ADAM7: variants seen among roughly 807,000 people sequenced by gnomAD.
ADAM7 encodes ADAM metallopeptidase domain 7.
Under a neutral mutation model 102.9 loss-of-function variants are expected in ADAM7, and 97 were observed. The ratio of observed to expected loss-of-function variants is 0.94; its 90% confidence interval spans 0.80 to 1.12. The LOEUF is 1.12. Ranked by LOEUF, ADAM7 falls within the 50% of genes most tolerant of loss-of-function variation. The pLI is 0.00. For synonymous variants in ADAM7, 334 were observed against 304.4 expected, an observed-to-expected ratio of 1.10 and a Z score of -1.01; for missense variants, 991 against 908.7, an observed-to-expected ratio of 1.09 and a Z score of -1.16.
chr8:24,445,691 C>T (rs1818531351), intron 2 of ADAM7, among the ~76,000 whole-genome samples: 1 of 152,220 alleles, frequency 6.6e-6, no homozygotes. Flanking sequence ...CTTGCTATGG[C>T]ATGTTTCTGC....
At chr8:24,501,675 G>A in intron 20 of ADAM7, 99 bp downstream of exon 20, 1 of 834,048 alleles carries the variant, frequency 1.2e-6, no homozygotes. Context: ...AAGTGACATG[G>A]GAAGTGCAGA....
chr8:24,490,765 C>T, intron 12 of ADAM7, 34 bp from the exon 13 acceptor site: 1 of 1,600,260 alleles, frequency 6.2e-7, no homozygotes, highest in Non-Finnish European at 8.5e-7. Flanking sequence ...GAGTACATAC[C>T]AATTTCTCAT....
At chr8:24,448,403 A>G (rs1563372143) in intron 3 of ADAM7, among the ~76,000 whole-genome samples, 1 of 152,146 alleles carries the variant, frequency 6.6e-6, no homozygotes. Context: ...ATGTTAGTGA[A>G]TTGTACACAC....
intron 12 of ADAM7, 140 bp from the exon 13 acceptor site, chr8:24,490,659 C>G: frequency 1.3e-6 from 1 of 775,442 alleles, no homozygotes; most frequent in Non-Finnish European, 2.1e-6. Flanking sequence ...AAACAGTAAT[C>G]TTTATGTATG....
chr8:24,487,409 G>A lies in ADAM7; in HGVS notation c.1091+92G>A, dbSNP rs139116804. On this transcript the variant is annotated intron_variant, in intron 11 of 21. Coordinates refer to ENST00000175238, the MANE Select transcript of ADAM7 (RefSeq NM_003817.4). ...TGCCTGTAATCCCAGCACTTTGGGAGGCCGAGGCAGGTGGATCACCTGAGG... is the reference window on the plus strand; with the variant it reads ...TGCCTGTAATCCCAGCACTTTGGGAAGCCGAGGCAGGTGGATCACCTGAGG... 164 of 1,434,666 alleles carry A rather than the reference G, an allele frequency of 1.1e-4. No homozygotes were observed. The African/African-American group carries it at 1.7e-3, about 15-fold the overall frequency. 88.9% of individuals were successfully genotyped at this position (1,434,666 alleles called of 1,614,324 possible). A position where few individuals can be genotyped will look rare whatever the true frequency, so the allele number is the denominator to read the frequency against.
chr8:24,456,410 A>T (rs535811203), intron 3 of ADAM7, among the ~76,000 whole-genome samples: 1 of 152,234 alleles, frequency 6.6e-6, no homozygotes, highest in East Asian at 1.9e-4. Context: ...TAATTTGGCT[A>T]TTGTGAATAG....
At chr8:24,448,465 T>C (rs1034869981) in intron 3 of ADAM7, among the ~76,000 whole-genome samples, 3 of 152,170 alleles carry the variant, frequency 2.0e-5, no homozygotes, top group African/African-American at 7.2e-5. Context: ...CACTGCCTCA[T>C]TCCCTCAGTT....
At chr8:24,508,321 C>T (rs1821019627) in intron 21 of ADAM7, among the ~76,000 whole-genome samples, 1 of 151,992 alleles carries the variant, frequency 6.6e-6, no homozygotes, top group Non-Finnish European at 1.5e-5. Flanking sequence ...GTTTGGCATC[C>T]CATAATGGAA....
intron 3 of ADAM7, among the ~76,000 whole-genome samples, chr8:24,455,725 ATT>A (rs944317389): frequency 6.6e-6 from 1 of 152,128 alleles, no homozygotes; most frequent in Non-Finnish European, 1.5e-5. Context: ...TTTACACTGA[ATT>A]TTTTCTTTGT....
intron 3 of ADAM7, among the ~76,000 whole-genome samples, chr8:24,448,416 A>G (rs1257096366): frequency 6.6e-6 from 1 of 152,130 alleles, no homozygotes; most frequent in South Asian, 2.1e-4. Flanking sequence ...GTACACACAG[A>G]GAGCAGTTTA....
At chr8:24,454,068 G>C (rs1563375214) in intron 3 of ADAM7, among the ~76,000 whole-genome samples, 1 of 152,200 alleles carries the variant, frequency 6.6e-6, no homozygotes, top group African/African-American at 2.4e-5. Context: ...CTACTGGGGG[G>C]TGCCTCCCAG....
intron 16 of ADAM7, among the ~76,000 whole-genome samples, chr8:24,495,168 A>T (rs993203108): frequency 3.3e-5 from 5 of 152,220 alleles, no homozygotes; most frequent in African/African-American, 1.2e-4. Context: ...AAGATCTGCT[A>T]AAACAACAGA....
At chr8:24,499,461 T>C (rs901481554) in intron 17 of ADAM7, 145 bp downstream of exon 17, 5 of 591,848 alleles carry the variant, frequency 8.4e-6, no homozygotes, top group Middle Eastern at 4.1e-4. Flanking sequence ...CATTTTTTCA[T>C]GTGTTATCAA....
At chr8:24,454,530 G>T (rs1818930278) in intron 3 of ADAM7, among the ~76,000 whole-genome samples, 1 of 152,182 alleles carries the variant, frequency 6.6e-6, no homozygotes, top group African/African-American at 2.4e-5. Context: ...GGGTGGGAGT[G>T]ACCCGATTTT....
At chr8:24,486,081 G>A (rs558835491) in intron 10 of ADAM7, among the ~76,000 whole-genome samples, 3 of 152,040 alleles carry the variant, frequency 2.0e-5, no homozygotes, top group Non-Finnish European at 4.4e-5. Flanking sequence ...TTGGATCATA[G>A]AGTCAATTTC....
At chr8:24,488,763 G>C (rs1450947435) in intron 11 of ADAM7, among the ~76,000 whole-genome samples, 1 of 151,998 alleles carries the variant, frequency 6.6e-6, no homozygotes, top group East Asian at 1.9e-4. Flanking sequence ...CAGGTACTGT[G>C]TTAACTAATG....
chr8:24,471,641 ATTTAGGTTTGTG>A (rs1176075749), intron 7 of ADAM7, among the ~76,000 whole-genome samples: 1 of 152,144 alleles, frequency 6.6e-6, no homozygotes, highest in African/African-American at 2.4e-5. Context: ...AGGTTATAAC[ATTTAGGTTTGTG>A]TACGTATGCT....
intron 3 of ADAM7, among the ~76,000 whole-genome samples, chr8:24,450,314 CTTTT>C (rs1179003272): frequency 1.3e-5 from 2 of 152,146 alleles, no homozygotes; most frequent in African/African-American, 4.8e-5. Context: ...TTTGTATCCT[CTTTT>C]ATTTCACTGA....
At chr8:24,442,960 G>C (rs1209791882) in intron 2 of ADAM7, among the ~76,000 whole-genome samples, 1 of 152,158 alleles carries the variant, frequency 6.6e-6, no homozygotes, top group Non-Finnish European at 1.5e-5. Context: ...GCAACTTTCA[G>C]AGGAACTCAA....
Sources: gnomAD v4.1 joint callset for allele counts (sites outside exome capture counted in the v4.1 genomes callset) on GRCh38, gnomAD v4.1.1 for gene constraint, MANE v1.5 for transcripts, NCBI Gene and HGNC (gene_info 2026-07-23, HGNC 2026-07-21) for gene names.